The following NAV2 variants were observed in gnomAD, a reference collection of about 807,000 sequenced individuals.
The protein encoded by NAV2 is helicase, APC down-regulated 1.
NAV2 carries 54 observed loss-of-function variants against 223.2 expected under a neutral mutation model. The observed-to-expected ratio is 0.24, with a 90% confidence interval of 0.19 to 0.30. The LOEUF (loss-of-function observed/expected upper bound fraction) is 0.30. Among genes scored for constraint, NAV2 ranks in the 10% least tolerant of loss-of-function variants. The pLI, the probability that NAV2 is intolerant of heterozygous loss-of-function variation, is 1.00. For missense variants in NAV2, 2,806 were observed against 3,147.5 expected, an observed-to-expected ratio of 0.89 and a Z score of 2.60; for synonymous variants, 1,279 against 1,239.3, an observed-to-expected ratio of 1.03 and a Z score of -0.67.
intron 5 of NAV2, chr11:19,884,497 T>C (rs2063411880): frequency 1.4e-6 from 1 of 711,784 alleles, no homozygotes; most frequent in African/African-American, 1.8e-5. Context: ...CTAAATGTGC[T>C]TTGGCTAATG....
intron 1 of NAV2, among the ~76,000 whole-genome samples, chr11:19,666,029 C>T (rs2048400679): frequency 6.6e-6 from 1 of 152,162 alleles, no homozygotes; most frequent in African/African-American, 2.4e-5. Context: ...CGTTATTAGT[C>T]TCATATCACC....
intron 10 of NAV2, among the ~76,000 whole-genome samples, chr11:19,953,440 A>C (rs985232053): frequency 3.5e-5 from 5 of 144,666 alleles, no homozygotes; most frequent in Non-Finnish European, 6.3e-5. Flanking sequence ...TGGTTCCTGC[A>C]TTTGCAAAGC....
intron 2 of NAV2, among the ~76,000 whole-genome samples, chr11:19,842,365 C>T (rs1272756051): frequency 2.6e-5 from 4 of 152,152 alleles, no homozygotes; most frequent in South Asian, 4.1e-4. Flanking sequence ...CTCACTTTCT[C>T]ATTTTCCCCA....
intron 12 of NAV2, among the ~76,000 whole-genome samples, chr11:20,042,594 G>T (rs570303196): frequency 6.6e-6 from 1 of 152,172 alleles, no homozygotes; most frequent in Non-Finnish European, 1.5e-5. Context: ...TTGGGGAGGC[G>T]ATTGAACTTG....
chr11:19,596,166 G>A (rs1050252484), intron 1 of NAV2, among the ~76,000 whole-genome samples: 1 of 152,210 alleles, frequency 6.6e-6, no homozygotes, highest in East Asian at 1.9e-4. Flanking sequence ...ATGTCATAAG[G>A]CTGGCATGGG....
At chr11:19,881,201 G>T (rs2063188258) in intron 5 of NAV2, among the ~76,000 whole-genome samples, 1 of 152,202 alleles carries the variant, frequency 6.6e-6, no homozygotes, top group Non-Finnish European at 1.5e-5. Flanking sequence ...CAGTTGTGAT[G>T]ATGTTAAAAC....
Position 19,575,613 on chromosome 11 carries a change from A to T in NAV2, c.75+224586A>T, listed in dbSNP as rs546309806. ...CCCCCCTATGCAAGTACCTCCTCAG[A>T]CACCCCTGGGGAAATTCACCTTTTC... On this transcript the variant is annotated intron_variant, in intron 1 of 37. Coordinates refer to the NAV2 transcript ENST00000360655. Among the ~76,000 whole-genome samples the T allele has an allele frequency of 3.3e-4, 50 of 152,300 alleles. No homozygotes were observed. In the Middle Eastern group the frequency reaches 0.01, roughly 31 times the overall value.
intron 17 of NAV2, among the ~76,000 whole-genome samples, chr11:20,052,032 C>A (rs948502905): frequency 5.9e-5 from 9 of 152,296 alleles, no homozygotes; most frequent in African/African-American, 2.2e-4. Flanking sequence ...TATCACTTTG[C>A]CAATCAGAGA....
chr11:20,033,383 G>A (rs889413523), intron 11 of NAV2, among the ~76,000 whole-genome samples: 1 of 152,202 alleles, frequency 6.6e-6, no homozygotes, highest in African/African-American at 2.4e-5. Flanking sequence ...GTGTAAGAGT[G>A]TATAGAAGCA....
intron 1 of NAV2, among the ~76,000 whole-genome samples, chr11:19,770,965 C>T (rs2053500805): frequency 6.6e-6 from 1 of 152,114 alleles, no homozygotes; most frequent in African/African-American, 2.4e-5. Context: ...TTTTGGCTTC[C>T]CGTTTCAGTG....
At chr11:19,914,904 A>G (rs1283686560) in intron 6 of NAV2, among the ~76,000 whole-genome samples, 1 of 152,142 alleles carries the variant, frequency 6.6e-6, no homozygotes, top group Non-Finnish European at 1.5e-5. Flanking sequence ...CTCCATGGCC[A>G]CCTTTTGTTT....
At chr11:19,836,553 G>T (rs1318572324) in intron 2 of NAV2, among the ~76,000 whole-genome samples, 1 of 128,534 alleles carries the variant, frequency 7.8e-6, no homozygotes, top group Non-Finnish European at 1.6e-5. Context: ...GACAGAGCGA[G>T]ACTCTGTCTC....
chr11:20,121,528 A>T lies in NAV2; in HGVS notation c.*3270A>T, dbSNP rs890591918. ...TGCTGGACATCATGCCCCATGTCATAGAGAATAAAGCTGATGATTGTACCA... is the reference window on the plus strand; with the variant it reads ...TGCTGGACATCATGCCCCATGTCATTGAGAATAAAGCTGATGATTGTACCA... On this transcript the variant is annotated 3_prime_UTR_variant, in exon 38 of 38. Coordinates refer to ENST00000349880, the MANE Select transcript of NAV2 (RefSeq NM_145117.5). 3 of 152,598 alleles carry T rather than the reference A, an allele frequency of 2.0e-5. No homozygotes were observed. The highest frequency in any genetic ancestry group is 4.4e-5 in the Non-Finnish European group (3 of 68,050). The allele number at this position is 152,598 out of a possible 1,614,324, so 9.5% of individuals were successfully genotyped here. A position where few individuals can be genotyped will look rare whatever the true frequency, so the allele number is the denominator to read the frequency against.
intron 1 of NAV2, among the ~76,000 whole-genome samples, chr11:19,359,460 G>A (rs1187631324): frequency 2.6e-5 from 4 of 152,186 alleles, no homozygotes; most frequent in Non-Finnish European, 2.9e-5. Flanking sequence ...CAAGAACTGT[G>A]GCTCAGATGT....
intron 20 of NAV2, among the ~76,000 whole-genome samples, chr11:20,063,672 G>A (rs1039143001): frequency 6.6e-6 from 1 of 152,148 alleles, no homozygotes; most frequent in Non-Finnish European, 1.5e-5. Context: ...ACCGCGCATG[G>A]CTATAGCTGT....
At chr11:20,056,667 C>A in intron 19 of NAV2, 13 of 1,383,676 alleles carry the variant, frequency 9.4e-6, no homozygotes, top group African/African-American at 1.4e-5. Flanking sequence ...GATATCATCC[C>A]CACCCCATGA....
At chr11:20,004,309 T>C (rs1434618173) in intron 11 of NAV2, among the ~76,000 whole-genome samples, 1 of 152,244 alleles carries the variant, frequency 6.6e-6, no homozygotes, top group East Asian at 1.9e-4. Context: ...AATCTTTAAT[T>C]TCACAATCCA....
At chr11:19,838,941 C>T (rs902698061) in intron 2 of NAV2, among the ~76,000 whole-genome samples, 6 of 152,128 alleles carry the variant, frequency 3.9e-5, no homozygotes, top group Admixed American at 2.0e-4. Context: ...TTTTCACATG[C>T]GCTGTTCTTA....
intron 1 of NAV2, among the ~76,000 whole-genome samples, chr11:19,554,719 C>T (rs1053747991): frequency 5.9e-5 from 9 of 152,110 alleles, no homozygotes; most frequent in African/African-American, 2.4e-5. Context: ...GTTTTCTATC[C>T]ACTTTGGGAG....
Sources: gnomAD v4.1 joint callset for allele counts (sites outside exome capture counted in the v4.1 genomes callset) on GRCh38, gnomAD v4.1.1 for gene constraint, MANE v1.5 for transcripts, NCBI Gene and HGNC (gene_info 2026-07-23, HGNC 2026-07-21) for gene names.